GTF2IRD1: variants seen among roughly 807,000 people sequenced by gnomAD.
The protein encoded by GTF2IRD1 is GTF2I repeat domain containing 1.
In GTF2IRD1, 26 loss-of-function variants were observed where a neutral mutation model predicts 113.2. That is an observed-to-expected ratio of 0.23 (90% CI 0.17 to 0.32). The LOEUF (loss-of-function observed/expected upper bound fraction) is 0.32, where lower values mean the gene tolerates loss of function less well. Ranked by LOEUF, GTF2IRD1 falls within the 10% of genes least tolerant of loss-of-function variation. The pLI, the probability that GTF2IRD1 is intolerant of heterozygous loss-of-function variation, is 1.00. For synonymous variants in GTF2IRD1, 484 were observed against 529.1 expected (o/e 0.91, Z 1.17); for missense variants, 864 against 1,280.8 (o/e 0.67, Z 4.97).
Position 74,559,029 on chromosome 7 carries a change from A to G in GTF2IRD1, c.2276A>G (p.Lys759Arg), listed in dbSNP as rs1799786953. Residue 759 changes from lysine (K) to arginine (R), a missense_variant, in exon 21 of 27, where the codon AAG (lysine) becomes AGG (arginine). Coordinates refer to ENST00000424337, the MANE Select transcript of GTF2IRD1 (RefSeq NM_005685.4). Reference protein sequence around the residue: ...ERILAVADKIKFTVTRPFQGL... With the variant: ...ERILAVADKIRFTVTRPFQGL... Reference sequence around the variant, plus strand: ...ATTCTTGCTGTGGCTGACAAGATCAAGTTCACAGTCACCAGGTACTCAGTG... The same window carrying G: ...ATTCTTGCTGTGGCTGACAAGATCAGGTTCACAGTCACCAGGTACTCAGTG... 1 of 1,613,720 alleles carries G rather than the reference A, an allele frequency of 6.2e-7. No homozygotes were observed. The highest frequency in any genetic ancestry group is 8.5e-7 in the Non-Finnish European group (1 of 1,179,904).
chr7:74,550,554 T>G (rs587762917), intron 17 of GTF2IRD1, among the ~76,000 whole-genome samples: 1 of 151,852 alleles, frequency 6.6e-6, no homozygotes, highest in East Asian at 1.9e-4. Context: ...ACCACTGCAC[T>G]CTAGCCTGGG....
intron 17 of GTF2IRD1, among the ~76,000 whole-genome samples, chr7:74,552,613 A>AGAGACAGT (rs1799378419): frequency 6.6e-6 from 1 of 152,198 alleles, no homozygotes; most frequent in Admixed American, 6.6e-5. Context: ...AAAAGTCTTA[A>AGAGACAGT]GAGACAGTGT....
chr7:74,542,949 G>A (rs1798712333), intron 14 of GTF2IRD1, among the ~76,000 whole-genome samples: 1 of 152,174 alleles, frequency 6.6e-6, no homozygotes, highest in South Asian at 2.1e-4. Context: ...CACAGCCTTG[G>A]GCTGGAAAAC....
chr7:74,577,302 G>T (rs1381336881), intron 22 of GTF2IRD1, among the ~76,000 whole-genome samples: 1 of 152,170 alleles, frequency 6.6e-6, no homozygotes, highest in Non-Finnish European at 1.5e-5. Flanking sequence ...GCCTCCCAAA[G>T]TGGTGGGATT....
intron 11 of GTF2IRD1, among the ~76,000 whole-genome samples, chr7:74,537,566 A>G (rs1798373419): frequency 6.6e-6 from 1 of 152,042 alleles, no homozygotes; most frequent in Non-Finnish European, 1.5e-5. Flanking sequence ...CCCTGCCCCC[A>G]GCACTCAGCT....
chr7:74,466,915 C>T (rs1793751531), intron 1 of GTF2IRD1, among the ~76,000 whole-genome samples: 1 of 151,640 alleles, frequency 6.6e-6, no homozygotes, highest in African/African-American at 2.4e-5. Flanking sequence ...GGGTGGGGGC[C>T]CATGAAGGGT....
Position 74,601,177 on chromosome 7 carries a change from C to T in GTF2IRD1, c.2763C>T (p.Leu921=), listed in dbSNP as rs1486355855. 3.8e-6 allele frequency: 6 copies of T among 1,585,036 alleles called. No homozygotes were observed. Among genetic ancestry groups the T allele is most frequent in the Non-Finnish European group, 4.3e-6 (5 of 1,164,560 alleles). ...DSVASANQIS[L]VQWPMYMVDY... ...TGGCATCGGCCAACCAGATCTCACTCGTGGTAAAGTTGCACCGATTTGGAC... is the reference window on the plus strand; with the variant it reads ...TGGCATCGGCCAACCAGATCTCACTTGTGGTAAAGTTGCACCGATTTGGAC... Residue 921 remains leucine, a synonymous_variant, in exon 26 of 27, where the codon CTC becomes CTT. Coordinates refer to ENST00000424337, the MANE Select transcript of GTF2IRD1 (RefSeq NM_005685.4).
chr7:74,512,793 G>T lies in GTF2IRD1; in HGVS notation c.124-37G>T. On this transcript the variant is annotated intron_variant, in intron 2 of 26. Coordinates refer to ENST00000424337, the MANE Select transcript of GTF2IRD1 (RefSeq NM_005685.4). The surrounding 1 kb of genome is among the most constrained non-coding windows in gnomAD (Gnocchi z 4.4). ...GATACTAGAGGTGTTCGGAGTATGG[G>T]GAGCCCTTCCGCTCACACAGCCTGC... 6.2e-7 allele frequency: 1 copy of T among 1,606,506 alleles called. No homozygotes were observed.
intron 22 of GTF2IRD1, among the ~76,000 whole-genome samples, chr7:74,574,871 C>G (rs1554363970): frequency 1.3e-5 from 2 of 151,682 alleles, no homozygotes; most frequent in South Asian, 2.1e-4. Context: ...GGCGGATCAC[C>G]TAAGGTCAGG....
chr7:74,545,870 G>A, intron 16 of GTF2IRD1, 61 bp downstream of exon 16: 1 of 1,261,160 alleles, frequency 7.9e-7, no homozygotes, highest in Non-Finnish European at 1.2e-6. Flanking sequence ...CGCCCTGTTT[G>A]CAGAAGGGCT....
chr7:74,577,773 C>T (rs1801164727), intron 22 of GTF2IRD1, among the ~76,000 whole-genome samples: 1 of 152,094 alleles, frequency 6.6e-6, no homozygotes, highest in African/African-American at 2.4e-5. Flanking sequence ...CCACCTCAGC[C>T]CCTCGAGTGG....
intron 1 of GTF2IRD1, among the ~76,000 whole-genome samples, chr7:74,457,551 T>G (rs547814881): frequency 1.3e-5 from 2 of 152,134 alleles, no homozygotes; most frequent in Non-Finnish European, 2.9e-5. Flanking sequence ...GGTCTCTCCC[T>G]GAACTTCCTG....
chr7:74,457,292 C>T (rs1793051134), intron 1 of GTF2IRD1, among the ~76,000 whole-genome samples: 1 of 152,136 alleles, frequency 6.6e-6, no homozygotes, highest in Non-Finnish European at 1.5e-5. Context: ...GCCTAGCCAA[C>T]ATCCTTTCCT....
chr7:74,550,824 T>A (rs1309876324), intron 17 of GTF2IRD1, among the ~76,000 whole-genome samples: 1 of 150,968 alleles, frequency 6.6e-6, no homozygotes, highest in Non-Finnish European at 1.5e-5. Flanking sequence ...AGGCCAGGAG[T>A]TCGAGACCAG....
At chr7:74,517,850 C>T (rs587698807) in intron 4 of GTF2IRD1, among the ~76,000 whole-genome samples, 3 of 152,346 alleles carry the variant, frequency 2.0e-5, no homozygotes, top group South Asian at 2.1e-4. Flanking sequence ...ATTTCCCCTC[C>T]AGCCAGGTGC....
At chr7:74,498,027 A>G (rs1554338543) in intron 1 of GTF2IRD1, among the ~76,000 whole-genome samples, 1 of 147,516 alleles carries the variant, frequency 6.8e-6, no homozygotes, top group African/African-American at 2.5e-5. Context: ...TATAGTAGGT[A>G]TCCTGGTGGG....
rs188250267 is a variant in GTF2IRD1 at position 74,486,044 on chromosome 7, C to T, written c.-6-22031C>T. On this transcript the variant is annotated intron_variant, in intron 1 of 26. Coordinates refer to ENST00000424337, the MANE Select transcript of GTF2IRD1 (RefSeq NM_005685.4). ...GGAGTACGGTGGCATGATCTTGGCT[C>T]ACTGCAACCTCCGCCTCCCAGGTTC... is the stretch of plus-strand genomic sequence containing the variant. Among the ~76,000 whole-genome samples the T allele has an allele frequency of 8.1e-3, 1,227 of 151,740 alleles. 22 individuals are homozygous for T. Among genetic ancestry groups the T allele is most frequent in the African/African-American group, 0.028 (1,154 of 41,354 alleles).
chr7:74,565,339 A>G (rs1180847200), intron 22 of GTF2IRD1, among the ~76,000 whole-genome samples: 1 of 151,324 alleles, frequency 6.6e-6, no homozygotes. Context: ...AGCCTGGGCA[A>G]CATGGTGAAA....
intron 8 of GTF2IRD1, among the ~76,000 whole-genome samples, chr7:74,524,695 G>C (rs1554346848): frequency 6.6e-6 from 1 of 152,150 alleles, no homozygotes; most frequent in Non-Finnish European, 1.5e-5. Flanking sequence ...CCAGAACCCT[G>C]TCTCTACTAA....
Sources: allele counts gnomAD v4.1 joint callset (sites outside exome capture counted in the v4.1 genomes callset), GRCh38; gene constraint gnomAD v4.1.1; non-coding constraint Gnocchi (gnomAD v3.1); transcripts MANE v1.5; gene names NCBI Gene and HGNC (gene_info 2026-07-23, HGNC 2026-07-21).